The following SDK1 variants were observed in gnomAD, a reference collection of about 807,000 sequenced individuals.
The protein encoded by SDK1 is sidekick cell adhesion molecule 1, also known as protein sidekick-1.
Under a neutral mutation model 245.5 loss-of-function variants are expected in SDK1, and 157 were observed. That is an observed-to-expected ratio of 0.64 (90% confidence interval 0.56 to 0.73). The LOEUF is 0.73. Among genes scored for constraint, SDK1 ranks in the 30% least tolerant of loss-of-function variants. SDK1 has a pLI of 0.00. For missense variants in SDK1, 3,583 were observed against 3,002.3 expected (o/e 1.19, Z -4.52); for synonymous variants, 1,647 against 1,278.5 (o/e 1.29, Z -6.15).
intron 9 of SDK1, among the ~76,000 whole-genome samples, chr7:3,963,745 T>C (rs1173227576): frequency 2.1e-5 from 3 of 143,636 alleles, no homozygotes; most frequent in African/African-American, 7.9e-5. Flanking sequence ...TTCAGCCCCA[T>C]GGCTATCTGG....
chr7:4,172,205 C>T (rs1433623043), intron 32 of SDK1, among the ~76,000 whole-genome samples: 1 of 152,236 alleles, frequency 6.6e-6, no homozygotes, highest in East Asian at 1.9e-4. Flanking sequence ...CAGAGAGGGA[C>T]AGCTGCTGGC....
intron 4 of SDK1, among the ~76,000 whole-genome samples, chr7:3,693,837 C>G (rs73672146): frequency 0.097 from 14,687 of 152,078 alleles, 1,099 homozygotes; most frequent in East Asian, 0.4. Context: ...ACTGAAGCTG[C>G]AGTGAACACC....
intron 4 of SDK1, among the ~76,000 whole-genome samples, chr7:3,672,691 T>C (rs866683767): frequency 1.5e-5 from 2 of 134,914 alleles, no homozygotes; most frequent in African/African-American, 2.7e-5. Flanking sequence ...TTAAATAAAA[T>C]TTATATTAAA....
rs533247476 is a variant in SDK1, at chr7:3,475,400, C to A, written c.299-143680C>A. 2.0e-5 allele frequency among the ~76,000 whole-genome samples: 3 copies of A among 152,330 alleles called. No homozygotes were observed. In the East Asian group the frequency reaches 5.8e-4, roughly 29 times the overall value. On this transcript the variant is annotated intron_variant, in intron 1 of 44. Transcript: ENST00000404826. Reference sequence around the variant, plus strand: ...CCAGTCTTCCTCCTTTGAGCCCCCTCGGGTGTGGGGCTCCTCCAGAGCAGC... The same window carrying A: ...CCAGTCTTCCTCCTTTGAGCCCCCTAGGGTGTGGGGCTCCTCCAGAGCAGC...
intron 4 of SDK1, among the ~76,000 whole-genome samples, chr7:3,782,882 C>T (rs1424461890): frequency 6.6e-6 from 1 of 152,182 alleles, no homozygotes; most frequent in Non-Finnish European, 1.5e-5. Flanking sequence ...ACAAAGCCAA[C>T]ATTACCTTGG....
intron 38 of SDK1, among the ~76,000 whole-genome samples, chr7:4,219,125 C>T (rs897623117): frequency 6.6e-6 from 1 of 152,254 alleles, no homozygotes; most frequent in South Asian, 2.1e-4. Flanking sequence ...TCCTCTGAAT[C>T]GAGGCATCAA....
At chr7:3,667,135 C>T (rs993321960) in intron 4 of SDK1, among the ~76,000 whole-genome samples, 10 of 152,086 alleles carry the variant, frequency 6.6e-5, no homozygotes, top group African/African-American at 2.2e-4. Flanking sequence ...TTGTGCATAT[C>T]TGTGTACCTT....
intron 4 of SDK1, among the ~76,000 whole-genome samples, chr7:3,664,737 C>T (rs2128660586): frequency 1.8e-5 from 2 of 109,000 alleles, no homozygotes; most frequent in Admixed American, 2.3e-4. Context: ...GAGACTCTGT[C>T]TCAAAAAAAA....
At chr7:3,536,568 C>T (rs1778893447) in intron 1 of SDK1, among the ~76,000 whole-genome samples, 1 of 151,938 alleles carries the variant, frequency 6.6e-6, no homozygotes, top group Non-Finnish European at 1.5e-5. Flanking sequence ...GTGGCTCACC[C>T]CTGTGATCCC....
At chr7:4,160,769 C>T (rs1198977800) in intron 31 of SDK1, among the ~76,000 whole-genome samples, 2 of 152,164 alleles carry the variant, frequency 1.3e-5, no homozygotes, top group Non-Finnish European at 2.9e-5. Context: ...TAAGCTGGAA[C>T]CACAGGAGGT....
chr7:3,479,403 C>G (rs1213822225), intron 1 of SDK1, among the ~76,000 whole-genome samples: 1 of 110,306 alleles, frequency 9.1e-6, no homozygotes, highest in Non-Finnish European at 1.7e-5. Flanking sequence ...GCCTGGGTGA[C>G]AGGGTGAGAC....
intron 35 of SDK1, among the ~76,000 whole-genome samples, chr7:4,185,084 C>G (rs1782805872): frequency 6.6e-6 from 1 of 152,220 alleles, no homozygotes; most frequent in African/African-American, 2.4e-5. Flanking sequence ...GATGTCATCT[C>G]TACCTGGACC....
At chr7:3,912,640 G>A (rs546400347) in intron 5 of SDK1, among the ~76,000 whole-genome samples, 97 of 152,284 alleles carry the variant, frequency 6.4e-4, no homozygotes, top group South Asian at 2.7e-3. Flanking sequence ...TGGGGCACCC[G>A]CTTCTGGGCT....
In SDK1 at chr7:4,267,854, A is replaced by G. The variant is rs916205559; in HGVS notation, c.*2470A>G. On this transcript the variant is annotated 3_prime_UTR_variant, in exon 45 of 45. Coordinates refer to ENST00000404826, the MANE Select transcript of SDK1 (RefSeq NM_152744.4). ...TGGCTGCTGCTGGACTGTGCTTAGGACAGCGCCCATGCCTCGGAGGGACTC... is the reference window on the plus strand; with the variant it reads ...TGGCTGCTGCTGGACTGTGCTTAGGGCAGCGCCCATGCCTCGGAGGGACTC... 12 of 985,374 alleles carry G rather than the reference A, an allele frequency of 1.2e-5. No individual in the cohort carries two copies. Among genetic ancestry groups the G allele is most frequent in the Admixed American group, 6.1e-5 (1 of 16,266 alleles). 61.0% of individuals were successfully genotyped at this position (985,374 alleles called of 1,614,324 possible). A position where few individuals can be genotyped will look rare whatever the true frequency, so the allele number is the denominator to read the frequency against.
At chr7:3,964,978 G>A (rs947133926) in intron 9 of SDK1, among the ~76,000 whole-genome samples, 2 of 152,184 alleles carry the variant, frequency 1.3e-5, no homozygotes, top group African/African-American at 4.8e-5. Flanking sequence ...CAGAACATGA[G>A]TCTTGATTGA....
At chr7:3,700,716 T>C (rs767816022) in intron 4 of SDK1, among the ~76,000 whole-genome samples, 7 of 152,092 alleles carry the variant, frequency 4.6e-5, no homozygotes, top group Non-Finnish European at 1.0e-4. Context: ...TTATAGTAAG[T>C]GTAAATGGTT....
chr7:3,649,372 T>A (rs1283007166), intron 4 of SDK1, among the ~76,000 whole-genome samples: 1 of 151,912 alleles, frequency 6.6e-6, no homozygotes, highest in Non-Finnish European at 1.5e-5. Flanking sequence ...ACAGAAGAAA[T>A]TGCCATCCCA....
chr7:3,540,406 C>T (rs1387017745), intron 1 of SDK1, among the ~76,000 whole-genome samples: 1 of 151,826 alleles, frequency 6.6e-6, no homozygotes, highest in Non-Finnish European at 1.5e-5. Flanking sequence ...TACTTCATCT[C>T]AAAAACAAAA....
At chr7:3,402,035 C>G (rs542612312) in intron 1 of SDK1, among the ~76,000 whole-genome samples, 50 of 152,076 alleles carry the variant, frequency 3.3e-4, no homozygotes, top group Non-Finnish European at 6.3e-4. Context: ...ATAAAAGAAG[C>G]ACAAAACTGG....
Sources: allele counts gnomAD v4.1 joint callset (sites outside exome capture counted in the v4.1 genomes callset), GRCh38; gene constraint gnomAD v4.1.1; transcripts MANE v1.5; gene names NCBI Gene and HGNC (gene_info 2026-07-23, HGNC 2026-07-21).